The following CCDC88A variants were observed in gnomAD, a reference collection of about 807,000 sequenced individuals.
CCDC88A encodes the protein girdin.
In CCDC88A, 54 loss-of-function variants were observed where a neutral mutation model predicts 234.3. The observed-to-expected ratio is 0.23, with a 90% confidence interval of 0.19 to 0.29. CCDC88A has a LOEUF of 0.29. Ranked by LOEUF, CCDC88A falls within the 10% of genes least tolerant of loss-of-function variation. The probability of loss-of-function intolerance (pLI) is 1.00; values close to 1 mark genes in which losing one functional copy is unlikely to be tolerated. For synonymous variants in CCDC88A, 753 were observed against 737.8 expected (o/e 1.02, Z -0.33); for missense variants, 1,832 against 2,123.4 (o/e 0.86, Z 2.70).
In CCDC88A at chr2:55,301,912, A is replaced by C. The variant is rs750827561; in HGVS notation, c.4632T>G (p.Ser1544=). ...TTAINFSTVN[S]SAGFRSKQLV... Reference sequence around the variant, plus strand: ...ACTGCTTGGATCTGAAGCCTGCAGAAGAGTTGACAGTTGAAAAGTTGATGG... The same window carrying C: ...ACTGCTTGGATCTGAAGCCTGCAGACGAGTTGACAGTTGAAAAGTTGATGG... The change falls in exon 27 of 33, where the codon TCT becomes TCG. Residue 1544 remains serine (S), a synonymous_variant. Coordinates refer to ENST00000436346, the MANE Select transcript of CCDC88A (RefSeq NM_001365480.1). The C allele has an allele frequency of 1.2e-6, 2 of 1,614,212 alleles. No individual in the cohort carries two copies. The highest frequency in any genetic ancestry group is 3.3e-5 in the Admixed American group (2 of 60,030).
At chr2:55,295,450 A>T in intron 31 of CCDC88A, 147 bp downstream of exon 31, 2 of 1,558,816 alleles carry the variant, frequency 1.3e-6, no homozygotes, top group Non-Finnish European at 1.7e-6. Context: ...TGGTTTAGAA[A>T]ATGTGACCTT....
chr2:55,388,176 T>C (rs1329578332), intron 3 of CCDC88A, among the ~76,000 whole-genome samples: 1 of 152,166 alleles, frequency 6.6e-6, no homozygotes, highest in African/African-American at 2.4e-5. Context: ...AGAATCAGTA[T>C]TATACAAACC....
intron 2 of CCDC88A, chr2:55,403,243 G>A (rs1679013055): frequency 6.6e-6 from 1 of 152,114 alleles, no homozygotes; most frequent in African/African-American, 2.4e-5. Flanking sequence ...AGTAAAAATG[G>A]TGTTCCAAAA....
intron 8 of CCDC88A, among the ~76,000 whole-genome samples, chr2:55,355,048 T>C (rs1286826236): frequency 6.6e-6 from 1 of 151,104 alleles, no homozygotes; most frequent in Non-Finnish European, 1.5e-5. Flanking sequence ...ATGTGGTCCA[T>C]TGTTAACTGA....
chr2:55,338,362 T>A (rs1668058621), intron 13 of CCDC88A, among the ~76,000 whole-genome samples: 1 of 152,236 alleles, frequency 6.6e-6, no homozygotes, highest in African/African-American at 2.4e-5. Context: ...AAGCAGTGGT[T>A]CTCAAAGCAT....
At chr2:55,357,107 C>T (rs530790110) in intron 7 of CCDC88A, among the ~76,000 whole-genome samples, 2 of 152,104 alleles carry the variant, frequency 1.3e-5, no homozygotes, top group Non-Finnish European at 2.9e-5. Flanking sequence ...CCTAACAATA[C>T]CTCAAAGGTT....
chr2:55,414,102 A>G (rs901314222), intron 2 of CCDC88A, among the ~76,000 whole-genome samples: 3 of 152,232 alleles, frequency 2.0e-5, no homozygotes, highest in African/African-American at 7.2e-5. Flanking sequence ...ACAGCTCTCT[A>G]TAACTATCTA....
rs1382683180 is a variant in CCDC88A at position 55,302,065 on chromosome 2, A to G, written c.4479T>C (p.Asn1493=). 5 of 1,613,488 alleles carry G rather than the reference A, an allele frequency of 3.1e-6. No homozygotes were observed. Among genetic ancestry groups the G allele is most frequent in the Non-Finnish European group, 4.2e-6 (5 of 1,179,410 alleles). Reference sequence around the variant, plus strand: ...CTAGGACCATGGACTGCACCAGGTCATTCATGGCTGGGATGCAAATGAAAG... The same window carrying G: ...CTAGGACCATGGACTGCACCAGGTCGTTCATGGCTGGGATGCAAATGAAAG... ...KACYRRSMSM[N]DLVQSMVLAG... is the part of the protein sequence containing the mutation. The change falls in exon 27 of 33, where the codon AAT becomes AAC. Residue 1493 remains asparagine, a synonymous_variant. Coordinates refer to ENST00000436346, the MANE Select transcript of CCDC88A (RefSeq NM_001365480.1).
rs559687786 is a variant in CCDC88A, at chr2:55,315,949, G to A, written c.3912C>T (p.Thr1304=). The part of the protein sequence containing the change: ...EQYQQLDITS[T]KLNNQCELLS... ...TCACCTCACACTGGTTATTCAGCTT[G>A]GTTGATGTAATATCCAATTGTTGGT... Residue 1304 remains threonine (T), a synonymous_variant, in exon 22 of 33, where the codon ACC becomes ACT. Coordinates refer to ENST00000436346, the MANE Select transcript of CCDC88A (RefSeq NM_001365480.1). 1.9e-6 allele frequency: 3 copies of A among 1,558,712 alleles called. No homozygotes were observed. Among genetic ancestry groups the A allele is most frequent in the East Asian group, 4.7e-5 (2 of 42,596 alleles).
rs567871146 is a variant in CCDC88A, at chr2:55,327,506, T to C, written c.2997+788A>G. Among the ~76,000 whole-genome samples, 236 of 152,314 alleles carry C rather than the reference T, an allele frequency of 1.5e-3. 1 individual carries two copies. Among genetic ancestry groups the C allele is most frequent in the Admixed American group, 3.5e-3 (53 of 15,306 alleles). ...CCAAAACCATCTGGTGGGAAGATGA[T>C]TCTCAGACAACTACGTGAAGAGGAT... On this transcript the variant is annotated intron_variant, in intron 17 of 32. Transcript: ENST00000436346.
At chr2:55,390,053 A>AAAAAAAGAAAAAAAAG (rs377022377) in intron 2 of CCDC88A, among the ~76,000 whole-genome samples, 1 of 79,780 alleles carries the variant, frequency 1.3e-5, no homozygotes, top group Non-Finnish European at 2.3e-5. Context: ...AAAAAAATAA[A>AAAAAAAGAAAAAAAAG]AAATAAAGAT....
rs752976258 is a variant in CCDC88A at position 55,419,070 on chromosome 2, C to T, written c.10G>A (p.Glu4Lys). 1.2e-6 allele frequency: 2 copies of T among 1,611,026 alleles called. No homozygotes were observed. The highest frequency in any genetic ancestry group is 1.7e-6 in the Non-Finnish European group (2 of 1,177,260). The change falls in exon 1 of 33, where the codon GAA (glutamate) becomes AAA (lysine). Residue 4 changes from glutamate to lysine, a missense_variant. By Grantham distance (56) the Glu-to-Lys change is moderately conservative (BLOSUM62 1). Around this residue, in one of 6 missense-constraint regions of CCDC88A, gnomAD observed 36 missense variants for 44.0 expected, o/e 0.82. Coordinates refer to ENST00000436346, the MANE Select transcript of CCDC88A (RefSeq NM_001365480.1). ...TGCTCCAGAAGGGGAGTAAAAATTT[C>T]GTTCTCCATTTTACAGAGTATGTAT... MEN[E>K]IFTPLLEQFM...
At chr2:55,418,230 A>T (rs1383108387) in intron 2 of CCDC88A, 1 of 152,396 alleles carries the variant, frequency 6.6e-6, no homozygotes, top group Non-Finnish European at 1.5e-5. Flanking sequence ...CCTTAAAATG[A>T]TCCCTAAAAT....
chr2:55,327,413 T>C (rs1358155218), intron 17 of CCDC88A, among the ~76,000 whole-genome samples: 1 of 152,226 alleles, frequency 6.6e-6, no homozygotes, highest in African/African-American at 2.4e-5. Context: ...AGGTAATGAC[T>C]GCTATGAGTA....
intron 3 of CCDC88A, 89 bp downstream of exon 3, chr2:55,388,689 C>G: frequency 1.6e-6 from 1 of 612,958 alleles, no homozygotes; most frequent in Non-Finnish European, 2.9e-6. Flanking sequence ...ATATAATAAG[C>G]GTTTAAATAT....
intron 13 of CCDC88A, among the ~76,000 whole-genome samples, chr2:55,338,320 A>ACAAGAATACTAAGGAGCCT (rs2104701345): frequency 6.6e-6 from 1 of 152,364 alleles, no homozygotes; most frequent in African/African-American, 2.4e-5. Flanking sequence ...TAAAAATCTT[A>ACAAGAATACTAAGGAGCCT]CAAGAATACT....
intron 3 of CCDC88A, among the ~76,000 whole-genome samples, chr2:55,382,812 T>C (rs7586440): frequency 0.86 from 131,094 of 152,170 alleles, 56,894 homozygotes; most frequent in Admixed American, 0.93. Flanking sequence ...TACCACTTAT[T>C]TCTCTCATGA....
In CCDC88A at chr2:55,290,770, TG is replaced by T. The variant is rs1679388299; in HGVS notation, c.*429del. Reference sequence around the variant, plus strand: ...TTAGGTTTACACAACTAAATATAAATGGCTAGATTTTGGCTAACACTTAGCA... The same window carrying T: ...TTAGGTTTACACAACTAAATATAAATGCTAGATTTTGGCTAACACTTAGCA... On this transcript the variant is annotated 3_prime_UTR_variant, in exon 33 of 33. Transcript: ENST00000436346. The T allele has an allele frequency of 6.6e-6, 1 of 152,570 alleles. No individual in the cohort carries two copies. The highest frequency in any genetic ancestry group is 1.9e-4 in the East Asian group (1 of 5,204). The allele number at this position is 152,570 out of a possible 1,614,324, so 9.5% of individuals were successfully genotyped here.
intron 3 of CCDC88A, 78 bp from the exon 4 acceptor site, chr2:55,374,961 T>G (rs1414700109): frequency 2.3e-6 from 2 of 872,390 alleles, no homozygotes; most frequent in African/African-American, 3.3e-5. Flanking sequence ...ACTTATGATT[T>G]GTACATTCTT....
Sources: allele counts gnomAD v4.1 joint callset (sites outside exome capture counted in the v4.1 genomes callset), GRCh38; gene constraint gnomAD v4.1.1; regional missense constraint gnomAD v4.1.1; transcripts MANE v1.5; gene names NCBI Gene and HGNC (gene_info 2026-07-23, HGNC 2026-07-21).